Variants in ERG observed in about 807,000 individuals in gnomAD.
ERG encodes ETS transcription factor ERG.
In ERG, 9 loss-of-function variants were observed where a neutral mutation model predicts 55.3. The ratio of observed to expected loss-of-function variants is 0.16; its 90% CI spans 0.10 to 0.28. The LOEUF (loss-of-function observed/expected upper bound fraction) is 0.28. Among genes scored for constraint, ERG ranks in the 10% least tolerant of loss-of-function variants. The probability of loss-of-function intolerance (pLI) is 1.00; values close to 1 mark genes in which losing one functional copy is unlikely to be tolerated. For missense variants in ERG, 434 were observed against 631.6 expected, an observed-to-expected ratio of 0.69 and a Z score of 3.35; for synonymous variants, 223 against 237.3, an observed-to-expected ratio of 0.94 and a Z score of 0.55.
Position 38,571,524 on chromosome 21 carries a change from A to T in ERG, c.-41+4138T>A, listed in dbSNP as rs554602511. Among the ~76,000 whole-genome samples the T allele has an allele frequency of 4.9e-3, 741 of 151,908 alleles. 9 individuals carry two copies. The highest frequency in any genetic ancestry group is 0.017 in the African/African-American group (705 of 41,476). Reference sequence around the variant, plus strand: ...AGACTATGTCTTAAAAAAAATAAATAAAAATAAATAATAAATAAAAAATTT... The same window carrying T: ...AGACTATGTCTTAAAAAAAATAAATTAAAATAAATAATAAATAAAAAATTT... On this transcript the variant is annotated intron_variant, in intron 2 of 8. Transcript: ENST00000398897.
chr21:38,609,550 G>A (rs552412714), intron 1 of ERG, among the ~76,000 whole-genome samples: 7 of 152,282 alleles, frequency 4.6e-5, no homozygotes, highest in African/African-American at 1.7e-4. Flanking sequence ...ATCAGTACGT[G>A]AACTCAATCT....
At position 38,468,982 on chromosome 21, in the gene ERG, CAAAAAAAAA is replaced by C. The variant is rs1261630693; in HGVS notation, c.19-23370_19-23362del. Among the ~76,000 whole-genome samples the C allele has an allele frequency of 1.0e-4, 3 of 29,044 alleles. No individual in the cohort carries two copies. In the South Asian group the frequency reaches 4.6e-3, roughly 44 times the overall value. The allele number at this position is 29,044 out of a possible 152,430, so 19.1% of individuals were successfully genotyped here. A position where few individuals can be genotyped will look rare whatever the true frequency, so the allele number is the denominator to read the frequency against. On this transcript the variant is annotated intron_variant, in intron 1 of 9. Coordinates refer to ENST00000288319, the MANE Select transcript of ERG (RefSeq NM_182918.4). ...CCTGGGAGACAGCCAGACTCTGTCT[CAAAAAAAAA>C]AAAAAAAAAAGAAAAAAAAAAAAGA...
At chr21:38,533,785 A>T (rs1176169403) in intron 2 of ERG, among the ~76,000 whole-genome samples, 1 of 152,188 alleles carries the variant, frequency 6.6e-6, no homozygotes, top group African/African-American at 2.4e-5. Flanking sequence ...AGAGCCTCAT[A>T]ACTCATTGCA....
chr21:38,600,594 T>C (rs1395575459), intron 1 of ERG, among the ~76,000 whole-genome samples: 1 of 152,182 alleles, frequency 6.6e-6, no homozygotes, highest in African/African-American at 2.4e-5. Flanking sequence ...TTGATAACAC[T>C]GACCACACCT....
intron 1 of ERG, among the ~76,000 whole-genome samples, chr21:38,577,524 T>C (rs567088260): frequency 6.6e-6 from 1 of 152,166 alleles, no homozygotes; most frequent in Non-Finnish European, 1.5e-5. Context: ...AGTGCAGTCC[T>C]GAAATTGAAC....
At chr21:38,518,548 G>A (rs1014219555) in intron 2 of ERG, among the ~76,000 whole-genome samples, 2 of 152,072 alleles carry the variant, frequency 1.3e-5, no homozygotes, top group African/African-American at 4.8e-5. Context: ...GGGAGAAACT[G>A]TTGGTAAATG....
In ERG at chr21:38,429,411, G is replaced by A. The variant is rs905578619; in HGVS notation, c.237-5850C>T. 3.8e-5 allele frequency among the ~76,000 whole-genome samples: 5 copies of A among 130,474 alleles called. 2 individuals are homozygous for A. Among genetic ancestry groups the A allele is most frequent in the African/African-American group, 1.1e-4 (4 of 36,936 alleles). The allele number at this position is 130,474 out of a possible 152,430, so 85.6% of individuals were successfully genotyped here. A position where few individuals can be genotyped will look rare whatever the true frequency, so the allele number is the denominator to read the frequency against. ...TGTACACATATACACATGTACATAC[G>A]CACATATAAACATGTGTGTATACAT... On this transcript the variant is annotated intron_variant, in intron 2 of 9. Transcript: ENST00000288319.
Position 38,380,977 on chromosome 21 carries a change from C to G in ERG, c.*2426G>C. ...ATTAGCACAGTTTGGGTCAGCCTAACTGCCAGCTTTCATGATTGTATTTAT... is the reference window on the plus strand; with the variant it reads ...ATTAGCACAGTTTGGGTCAGCCTAAGTGCCAGCTTTCATGATTGTATTTAT... On this transcript the variant is annotated 3_prime_UTR_variant, in exon 10 of 10. Transcript: ENST00000288319. The G allele has an allele frequency of 9.4e-7, 1 of 1,064,796 alleles. No homozygotes were observed. Among genetic ancestry groups the G allele is most frequent in the Non-Finnish European group, 1.1e-6 (1 of 878,978 alleles). The allele number at this position is 1,064,796 out of a possible 1,614,324, so 66.0% of individuals were successfully genotyped here. A position where few individuals can be genotyped will look rare whatever the true frequency, so the allele number is the denominator to read the frequency against.
At chr21:38,569,862 C>G (rs1251730784) in intron 2 of ERG, among the ~76,000 whole-genome samples, 2 of 152,032 alleles carry the variant, frequency 1.3e-5, no homozygotes, top group East Asian at 3.9e-4. Flanking sequence ...TAATCTGTGA[C>G]TTTTTTCTAC....
chr21:38,536,975 T>C (rs1441957381), intron 2 of ERG, among the ~76,000 whole-genome samples: 1 of 152,094 alleles, frequency 6.6e-6, no homozygotes, highest in Non-Finnish European at 1.5e-5. Flanking sequence ...TGGAATAGAA[T>C]AGAGACTTCA....
chr21:38,502,710 A>G (rs1309015904), upstream of ERG: 1 of 151,638 alleles, frequency 6.6e-6, no homozygotes, highest in Non-Finnish European at 1.5e-5. Context: ...ATGTTTTCAT[A>G]TTAGACTTTT....
chr21:38,505,605 T>C (rs1456387356), intron 2 of ERG, among the ~76,000 whole-genome samples: 4 of 152,208 alleles, frequency 2.6e-5, no homozygotes, highest in African/African-American at 7.2e-5. Context: ...ACTAGAAATG[T>C]TCTTTCTGAG....
At chr21:38,466,987 T>C (rs2059096958) in intron 1 of ERG, among the ~76,000 whole-genome samples, 1 of 152,208 alleles carries the variant, frequency 6.6e-6, no homozygotes, top group Admixed American at 6.5e-5. Context: ...AGCTTGTTAC[T>C]CTTATTAGCT....
upstream of ERG, among the ~76,000 whole-genome samples, chr21:38,585,630 C>T (rs1009050237): frequency 7.1e-6 from 1 of 140,970 alleles, no homozygotes; most frequent in Non-Finnish European, 1.5e-5. Flanking sequence ...TAGTAGAATC[C>T]TTACAACATG....
chr21:38,485,144 G>A (rs970523975), intron 1 of ERG, among the ~76,000 whole-genome samples: 1 of 152,160 alleles, frequency 6.6e-6, no homozygotes, highest in South Asian at 2.1e-4. Context: ...GTGGCACAGG[G>A]ACAAGATGTA....
intron 1 of ERG, among the ~76,000 whole-genome samples, chr21:38,637,381 A>C (rs1056189144): frequency 1.3e-5 from 2 of 152,222 alleles, no homozygotes; most frequent in Non-Finnish European, 2.9e-5. Flanking sequence ...TGGGTGTTCA[A>C]AATAGTCTTT....
At chr21:38,642,926 G>T (rs2060433980) in intron 1 of ERG, among the ~76,000 whole-genome samples, 1 of 152,212 alleles carries the variant, frequency 6.6e-6, no homozygotes, top group Non-Finnish European at 1.5e-5. Context: ...ACTGAGAGAG[G>T]GCACACCCTG....
intron 1 of ERG, among the ~76,000 whole-genome samples, chr21:38,600,619 T>C (rs1035791469): frequency 2.6e-5 from 4 of 152,164 alleles, no homozygotes; most frequent in South Asian, 2.1e-4. Flanking sequence ...GCTCTTAAGA[T>C]GGATAAAGGG....
chr21:38,616,835 T>C (rs1350415632), intron 1 of ERG, among the ~76,000 whole-genome samples: 1 of 152,190 alleles, frequency 6.6e-6, no homozygotes, highest in African/African-American at 2.4e-5. Context: ...TTGCTCTTTA[T>C]TTTAAATACA....
Sources: allele counts gnomAD v4.1 joint callset (sites outside exome capture counted in the v4.1 genomes callset), GRCh38; gene constraint gnomAD v4.1.1; transcripts MANE v1.5; gene names NCBI Gene and HGNC (gene_info 2026-07-23, HGNC 2026-07-21).